ITGA11: variants seen among roughly 807,000 people sequenced by gnomAD.
ITGA11 encodes integrin subunit alpha 11.
Under a neutral mutation model 141.9 loss-of-function variants are expected in ITGA11, and 97 were observed. That is an observed-to-expected ratio of 0.68 (90% CI 0.58 to 0.81). ITGA11 has a LOEUF of 0.81. Among genes scored for constraint, ITGA11 ranks in the 30% least tolerant of loss-of-function variants. The pLI, the probability that ITGA11 is intolerant of heterozygous loss-of-function variation, is 0.00. For synonymous variants in ITGA11, 658 were observed against 624.6 expected (o/e 1.05, Z -0.80); for missense variants, 1,387 against 1,559.2 (o/e 0.89, Z 1.86).
intron 2 of ITGA11, among the ~76,000 whole-genome samples, chr15:68,375,047 CT>C (rs1895693736): frequency 6.6e-6 from 1 of 152,132 alleles, no homozygotes; most frequent in African/African-American, 2.4e-5. Flanking sequence ...GTCCTGTGCT[CT>C]TTTTTTCATT....
chr15:68,404,168 C>T (rs1896581919), intron 1 of ITGA11, among the ~76,000 whole-genome samples: 1 of 152,092 alleles, frequency 6.6e-6, no homozygotes, highest in Admixed American at 6.5e-5. Flanking sequence ...TCATTACCGC[C>T]TCCCCTATCT....
At chr15:68,356,375 A>G (rs543409654) in intron 7 of ITGA11, among the ~76,000 whole-genome samples, 2 of 151,878 alleles carry the variant, frequency 1.3e-5, no homozygotes, top group African/African-American at 2.4e-5. Flanking sequence ...AAGTGCTAGG[A>G]TTACAGGTGA....
rs564498850 is a variant in ITGA11, at chr15:68,323,226, C to T, written c.2323-1723G>A. 2.0e-5 allele frequency among the ~76,000 whole-genome samples: 3 copies of T among 152,256 alleles called. No homozygotes were observed. The South Asian group carries it at 6.2e-4, about 32-fold the overall frequency. Reference sequence around the variant, plus strand: ...CCAGCGAAGCCATATCCAGGGGTCACCGTGGAGCCGTTTGGGAAAGGAACT... The same window carrying T: ...CCAGCGAAGCCATATCCAGGGGTCATCGTGGAGCCGTTTGGGAAAGGAACT... On this transcript the variant is annotated intron_variant, in intron 18 of 29. Coordinates refer to ENST00000315757, the MANE Select transcript of ITGA11 (RefSeq NM_001004439.2).
At chr15:68,394,290 T>C (rs1023021317) in intron 2 of ITGA11, among the ~76,000 whole-genome samples, 1 of 152,134 alleles carries the variant, frequency 6.6e-6, no homozygotes, top group Non-Finnish European at 1.5e-5. Context: ...GGAATTGAAT[T>C]AGAAATATAA....
intron 3 of ITGA11, among the ~76,000 whole-genome samples, chr15:68,368,258 C>A (rs1382661140): frequency 6.6e-6 from 1 of 152,206 alleles, no homozygotes; most frequent in East Asian, 1.9e-4. Flanking sequence ...GAGGGAGGCC[C>A]AGGGTCCTGG....
At chr15:68,431,975 G>C in intron 1 of ITGA11, 40 bp downstream of exon 1, 1 of 1,271,542 alleles carries the variant, frequency 7.9e-7, no homozygotes, top group East Asian at 3.1e-5. Flanking sequence ...CCCAGGGAGG[G>C]ACTCCGAGAG....
chr15:68,387,950 C>T (rs1896026506), intron 2 of ITGA11, among the ~76,000 whole-genome samples: 1 of 152,176 alleles, frequency 6.6e-6, no homozygotes, highest in African/African-American at 2.4e-5. Context: ...TTCCTTCTCC[C>T]TGCTGAATGG....
intron 4 of ITGA11, 103 bp downstream of exon 4, chr15:68,364,603 GT>G: frequency 2.3e-6 from 2 of 883,960 alleles, no homozygotes; most frequent in Admixed American, 4.0e-5. Context: ...GTGGGGGAGA[GT>G]GGGTGTACAG....
At chr15:68,356,786 T>G (rs1895084726) in intron 7 of ITGA11, among the ~76,000 whole-genome samples, 1 of 152,120 alleles carries the variant, frequency 6.6e-6, no homozygotes, top group Non-Finnish European at 1.5e-5. Context: ...CTTGGGATGC[T>G]CACTCTTGGG....
intron 3 of ITGA11, among the ~76,000 whole-genome samples, chr15:68,366,006 A>G (rs1001699004): frequency 3.3e-5 from 5 of 152,164 alleles, no homozygotes; most frequent in African/African-American, 1.2e-4. Flanking sequence ...CCAGCTTGTC[A>G]GACACAGACT....
intron 2 of ITGA11, among the ~76,000 whole-genome samples, chr15:68,396,959 T>C (rs1348794019): frequency 7.2e-5 from 1 of 13,876 alleles, no homozygotes; most frequent in Non-Finnish European, 1.1e-4. Flanking sequence ...TTATTTATTA[T>C]ATAATAAATA....
chr15:68,340,263 C>T (rs6494735), intron 10 of ITGA11, among the ~76,000 whole-genome samples: 30,105 of 150,390 alleles, frequency 0.2, 6,755 homozygotes, highest in African/African-American at 0.56. Context: ...CTGTGATCAA[C>T]GCAATCAGGG....
At chr15:68,377,332 T>C (rs1841404) in intron 2 of ITGA11, among the ~76,000 whole-genome samples, 121,648 of 152,112 alleles carry the variant, frequency 0.8, 48,986 homozygotes, top group East Asian at 1. Context: ...AGTGCAGTGG[T>C]GGGATCTCAG....
In ITGA11 at chr15:68,364,719, G is replaced by T. The variant is rs1320916754; in HGVS notation, c.345C>A (p.Asp115Glu). The T allele has an allele frequency of 6.6e-7, 1 of 1,526,620 alleles. No homozygotes were observed. 94.6% of individuals were successfully genotyped at this position (1,526,620 alleles called of 1,614,324 possible). The change falls in exon 4 of 30, where the codon GAC (aspartate) becomes GAA (glutamate). Residue 115 changes from aspartate (D) to glutamate (E), a missense_variant. Transcript: ENST00000315757. ...AGGTGGCTCTTACCAGGAAGCTGTT[G>T]TCCTTGGGGTTGGTGGCGAGACTAA... Reference protein sequence around the residue: ...LGLSLATNPKDNSFLACSPLW... With the variant: ...LGLSLATNPKENSFLACSPLW...
chr15:68,417,686 A>G (rs182619598), intron 1 of ITGA11, among the ~76,000 whole-genome samples: 6 of 152,170 alleles, frequency 3.9e-5, no homozygotes, highest in Admixed American at 3.3e-4. Context: ...TTCCAGCTTC[A>G]CCGTCTTCCT....
chr15:68,426,508 T>C (rs975397790), intron 1 of ITGA11, among the ~76,000 whole-genome samples: 1 of 152,100 alleles, frequency 6.6e-6, no homozygotes, highest in Non-Finnish European at 1.5e-5. Context: ...TGAAGCATCA[T>C]AGGAGGACCA....
intron 1 of ITGA11, among the ~76,000 whole-genome samples, chr15:68,404,584 A>C (rs1301951766): frequency 6.6e-6 from 1 of 152,186 alleles, no homozygotes; most frequent in Admixed American, 6.5e-5. Flanking sequence ...ATGAGTGAGC[A>C]TCGTCCTCAC....
At position 68,305,925 on chromosome 15, in the gene ITGA11, G is replaced by T. The variant is rs941039633; in HGVS notation, c.3381+1423C>A. On this transcript the variant is annotated intron_variant, in intron 28 of 29. Transcript: ENST00000315757. The surrounding 1 kb of genome is among the most constrained non-coding windows in gnomAD (Gnocchi z 4.6). Reference sequence around the variant, plus strand: ...GGCATGGCCGGGCACGGTGGCTCATGCCTGTAATCCCAGCACTTTGGGAAG... The same window carrying T: ...GGCATGGCCGGGCACGGTGGCTCATTCCTGTAATCCCAGCACTTTGGGAAG... 1.3e-5 allele frequency among the ~76,000 whole-genome samples: 2 copies of T among 151,864 alleles called. No individual in the cohort carries two copies. Among genetic ancestry groups the T allele is most frequent in the Admixed American group, 1.3e-4 (2 of 15,252 alleles).
rs574519156 is a variant in ITGA11, at chr15:68,305,295, T to C, written c.3382-1410A>G. ...TCTGATGTCACTTTATTGGAGAGGCTTTTCCCAACTCCCCTGTATAAAACA... is the reference window on the plus strand; with the variant it reads ...TCTGATGTCACTTTATTGGAGAGGCCTTTCCCAACTCCCCTGTATAAAACA... On this transcript the variant is annotated intron_variant, in intron 28 of 29. Coordinates refer to ENST00000315757, the MANE Select transcript of ITGA11 (RefSeq NM_001004439.2). This position sits in a 1 kb window ranked among gnomAD's most constrained non-coding sequence, Gnocchi z 4.6. Among the ~76,000 whole-genome samples, 1 of 152,322 alleles carries C rather than the reference T, an allele frequency of 6.6e-6. No homozygotes were observed. The highest frequency in any genetic ancestry group is 1.5e-5 in the Non-Finnish European group (1 of 68,016).
Sources: allele counts gnomAD v4.1 joint callset (sites outside exome capture counted in the v4.1 genomes callset), GRCh38; gene constraint gnomAD v4.1.1; non-coding constraint Gnocchi (gnomAD v3.1); transcripts MANE v1.5; gene names NCBI Gene and HGNC (gene_info 2026-07-23, HGNC 2026-07-21).